The following DOCK2 variants were observed in gnomAD, a reference collection of about 807,000 sequenced individuals.
DOCK2 encodes the protein dedicator of cytokinesis 2.
DOCK2 carries 87 observed loss-of-function variants against 248.9 expected under a neutral mutation model. That is an observed-to-expected ratio of 0.35 (90% CI 0.29 to 0.42). The LOEUF is 0.42. Ranked by LOEUF, DOCK2 falls within the 10% of genes least tolerant of loss-of-function variation. The probability of loss-of-function intolerance (pLI) is 1.00; values close to 1 mark genes in which losing one functional copy is unlikely to be tolerated. For missense variants in DOCK2, 1,747 were observed against 2,300.2 expected (o/e 0.76, Z 4.92); for synonymous variants, 805 against 821.6 (o/e 0.98, Z 0.35).
At chr5:169,842,182 G>A (rs76678326) in intron 27 of DOCK2, among the ~76,000 whole-genome samples, 2,057 of 152,266 alleles carry the variant, frequency 0.014, 32 homozygotes, top group Non-Finnish European at 0.021. Context: ...CAAACAGCTG[G>A]ATTCCCTTCA....
intron 1 of DOCK2, among the ~76,000 whole-genome samples, chr5:169,654,078 A>T (rs1757956760): frequency 6.6e-6 from 1 of 152,204 alleles, no homozygotes; most frequent in Non-Finnish European, 1.5e-5. Context: ...AATTGTAGCA[A>T]AACATGCATA....
At chr5:169,735,286 AAGG>A (rs1204102565) in intron 22 of DOCK2, among the ~76,000 whole-genome samples, 4 of 152,172 alleles carry the variant, frequency 2.6e-5, no homozygotes, top group African/African-American at 9.7e-5. Context: ...CCCTAGGTGA[AAGG>A]AGAAGTCTTT....
At chr5:169,797,398 G>A (rs896599088) in intron 25 of DOCK2, among the ~76,000 whole-genome samples, 1 of 152,194 alleles carries the variant, frequency 6.6e-6, no homozygotes, top group Non-Finnish European at 1.5e-5. Flanking sequence ...TGAAAAAAGG[G>A]TCCTCTTATT....
In DOCK2 at chr5:169,803,142, T is replaced by A; in HGVS notation, c.2639T>A (p.Leu880Gln). Reference protein sequence around the residue: ...EQKDDMQHQVLERKYCVELLN... With the variant: ...EQKDDMQHQVQERKYCVELLN... ...AAGGATGACATGCAACACCAGGTCC[T>A]GGAGAGGAAGTACTGCGTTGAATTG... Residue 880 changes from leucine (L) to glutamine (Q), a missense_variant, in exon 26 of 52, where the codon CTG (leucine) becomes CAG (glutamine). Leu to Gln is a moderately radical substitution (Grantham distance 113). Coordinates refer to ENST00000520908, the MANE Select transcript of DOCK2 (RefSeq NM_004946.3). The A allele has an allele frequency of 6.2e-7, 1 of 1,614,188 alleles. No individual in the cohort carries two copies. The highest frequency in any genetic ancestry group is 8.5e-7 in the Non-Finnish European group (1 of 1,180,030).
At chr5:170,030,217 ATTAT>A (rs1756082570) in intron 34 of DOCK2, among the ~76,000 whole-genome samples, 3 of 152,158 alleles carry the variant, frequency 2.0e-5, no homozygotes, top group Admixed American at 2.0e-4. Context: ...TTCCTGAGTG[ATTAT>A]TTATAAAAGG....
intron 51 of DOCK2, 68 bp downstream of exon 51, chr5:170,082,052 A>G: frequency 6.3e-7 from 1 of 1,579,008 alleles, no homozygotes; most frequent in Non-Finnish European, 8.6e-7. Flanking sequence ...CAATGCAGAG[A>G]GAAGAAAATG....
intron 22 of DOCK2, among the ~76,000 whole-genome samples, chr5:169,729,089 G>C (rs903320566): frequency 1.3e-5 from 2 of 152,236 alleles, no homozygotes; most frequent in African/African-American, 4.8e-5. Context: ...GTTGCTCAGA[G>C]AATGACTTGG....
chr5:169,714,135 T>G lies in DOCK2; in HGVS notation c.1767T>G (p.Val589=), dbSNP rs34864600. The part of the protein sequence containing the change: ...GATLSRSSSS[V]GGLSVSSRDV... ...CGCTGAGCAGGAGCTCCAGCAGTGT[T>G]GGGGGGCTTTCTGTCAGCTCCCGGG... The change falls in exon 18 of 52, where the codon GTT becomes GTG. Residue 589 remains valine, a synonymous_variant. Coordinates refer to ENST00000520908, the MANE Select transcript of DOCK2 (RefSeq NM_004946.3). The G allele has an allele frequency of 1.8e-3, 2,901 of 1,613,834 alleles. 41 individuals carry two copies. In the African/African-American group the frequency reaches 0.033, roughly 19 times the overall value.
At chr5:169,641,058 TGCCTTGATC>T (rs1399535926) in intron 1 of DOCK2, among the ~76,000 whole-genome samples, 3 of 152,244 alleles carry the variant, frequency 2.0e-5, no homozygotes, top group African/African-American at 7.2e-5. Context: ...ACAAAAGCGT[TGCCTTGATC>T]GCTGCCTCCA....
At position 170,056,208 on chromosome 5, in the gene DOCK2, A is replaced by G. The variant is rs372247550; in HGVS notation, c.4296-476A>G. 3.3e-5 allele frequency among the ~76,000 whole-genome samples: 5 copies of G among 152,220 alleles called. 1 individual carries two copies. The East Asian group carries it at 5.8e-4, about 18-fold the overall frequency. ...TTCTCACCTTCTCAGACAGGCACCC[A>G]TGAGCAGGGGACAATAACTGTGCAG... On this transcript the variant is annotated intron_variant, in intron 42 of 51. Transcript: ENST00000520908.
intron 44 of DOCK2, among the ~76,000 whole-genome samples, chr5:170,065,421 T>A: frequency 6.6e-6 from 1 of 152,218 alleles, no homozygotes; most frequent in East Asian, 1.9e-4. Flanking sequence ...TGACTTTGAA[T>A]GTAAATGGAT....
chr5:169,747,942 C>A (rs1657744166), intron 23 of DOCK2, among the ~76,000 whole-genome samples: 1 of 152,170 alleles, frequency 6.6e-6, no homozygotes, highest in African/African-American at 2.4e-5. Flanking sequence ...GTGAAGACTG[C>A]AAATCTTTGA....
chr5:169,994,035 T>G (rs1036414414), intron 29 of DOCK2, among the ~76,000 whole-genome samples: 3 of 152,186 alleles, frequency 2.0e-5, no homozygotes, highest in Non-Finnish European at 2.9e-5. Flanking sequence ...ATTGGAAGAA[T>G]AGAATTGTCC....
chr5:169,713,044 T>G (rs1761673191), intron 17 of DOCK2, among the ~76,000 whole-genome samples: 1 of 152,252 alleles, frequency 6.6e-6, no homozygotes, highest in Admixed American at 6.5e-5. Flanking sequence ...GTGGGATGCA[T>G]GGCAAACACA....
intron 47 of DOCK2, 32 bp downstream of exon 47, chr5:170,076,116 G>A: frequency 6.2e-7 from 1 of 1,609,760 alleles, no homozygotes; most frequent in Non-Finnish European, 8.5e-7. Flanking sequence ...TGGAGGGGTG[G>A]GATTGTGCAG....
chr5:169,651,591 T>C (rs966470870), intron 1 of DOCK2, among the ~76,000 whole-genome samples: 2 of 152,194 alleles, frequency 1.3e-5, no homozygotes, highest in African/African-American at 4.8e-5. Context: ...GAAGCCTCAG[T>C]TGCTTCCACC....
At chr5:169,968,975 C>T (rs72828612) in intron 27 of DOCK2, among the ~76,000 whole-genome samples, 32,670 of 152,074 alleles carry the variant, frequency 0.21, 4,322 homozygotes, top group East Asian at 0.44. Flanking sequence ...ATGGTGATAC[C>T]ATGCCTCTAC....
rs1429467006 is a variant in DOCK2 at position 170,039,539 on chromosome 5, G to T, written c.3666-1516G>T. 3.3e-5 allele frequency among the ~76,000 whole-genome samples: 5 copies of T among 152,184 alleles called. No homozygotes were observed. In the East Asian group the frequency reaches 9.6e-4, roughly 29 times the overall value. On this transcript the variant is annotated intron_variant, in intron 36 of 51. Transcript: ENST00000520908. ...TGAATAAGTGAATGAACAAAAGACT[G>T]CCAGGGCATCCCAGCACAGCAGCTA...
chr5:169,899,252 C>T (rs1773785943), intron 27 of DOCK2, among the ~76,000 whole-genome samples: 2 of 152,194 alleles, frequency 1.3e-5, no homozygotes, highest in Non-Finnish European at 2.9e-5. Context: ...CTTCAGCACG[C>T]CCAGACAGTA....
Sources: gnomAD v4.1 joint callset for allele counts (sites outside exome capture counted in the v4.1 genomes callset) on GRCh38, gnomAD v4.1.1 for gene constraint, MANE v1.5 for transcripts, NCBI Gene and HGNC (gene_info 2026-07-23, HGNC 2026-07-21) for gene names.